The following GALNT9 variants were observed in gnomAD, a reference collection of about 807,000 sequenced individuals.
GALNT9 encodes GalNAc transferase 9.
GALNT9 carries 47 observed loss-of-function variants against 63.1 expected under a neutral mutation model. That is an observed-to-expected ratio of 0.75 (90% CI 0.59 to 0.95). The LOEUF (loss-of-function observed/expected upper bound fraction) is 0.95, where lower values mean the gene tolerates loss of function less well. Ranked by LOEUF, GALNT9 falls within the 40% of genes least tolerant of loss-of-function variation. The pLI is 0.00. For synonymous variants in GALNT9, 396 were observed against 365.7 expected, an observed-to-expected ratio of 1.08 and a Z score of -0.94; for missense variants, 829 against 874.8, an observed-to-expected ratio of 0.95 and a Z score of 0.66.
At chr12:132,198,008 C>T in intron 9 of GALNT9, 49 bp from the exon 10 acceptor site, 3 of 1,494,930 alleles carry the variant, frequency 2.0e-6, no homozygotes, top group Middle Eastern at 3.5e-4. Context: ...CCAGGCTCTC[C>T]CCAGTGAGCA....
chr12:132,288,317 C>T (rs1880681425), intron 1 of GALNT9, among the ~76,000 whole-genome samples: 1 of 152,230 alleles, frequency 6.6e-6, no homozygotes, highest in African/African-American at 2.4e-5. Flanking sequence ...AACAAAGTGT[C>T]CGTATTTATG....
intron 6 of GALNT9, among the ~76,000 whole-genome samples, chr12:132,218,343 C>G (rs1054337764): frequency 7.9e-5 from 12 of 152,184 alleles, no homozygotes; most frequent in African/African-American, 2.4e-4. Context: ...GGCATCCTGA[C>G]CCCCAGGTTG....
At chr12:132,261,387 C>T (rs61443140) in intron 3 of GALNT9, among the ~76,000 whole-genome samples, 9,339 of 152,200 alleles carry the variant, frequency 0.061, 969 homozygotes, top group African/African-American at 0.21. Context: ...GACAGCAGCC[C>T]ATGCTGTGGA....
chr12:132,196,990 C>G lies in GALNT9; in HGVS notation c.*117G>C. The G allele has an allele frequency of 9.8e-6, 15 of 1,531,110 alleles. No individual in the cohort carries two copies. The highest frequency in any genetic ancestry group is 1.2e-5 in the Non-Finnish European group (14 of 1,140,334). 94.8% of individuals were successfully genotyped at this position (1,531,110 alleles called of 1,614,324 possible). A position where few individuals can be genotyped will look rare whatever the true frequency, so the allele number is the denominator to read the frequency against. ...CCCCGGCCCCTCAGCCTCTGCTGTC[C>G]TGGCCGCACATAGAGCCCTGTCCTG... On this transcript the variant is annotated 3_prime_UTR_variant, in exon 11 of 11. Transcript: ENST00000328957.
intron 6 of GALNT9, among the ~76,000 whole-genome samples, chr12:132,226,870 C>T (rs1244987630): frequency 1.3e-5 from 2 of 150,254 alleles, no homozygotes; most frequent in African/African-American, 4.9e-5. Context: ...TGTACATACA[C>T]ACCCCACACA....
At chr12:132,243,600 A>G (rs2136905754) in intron 6 of GALNT9, among the ~76,000 whole-genome samples, 2 of 151,622 alleles carry the variant, frequency 1.3e-5, no homozygotes, top group Non-Finnish European at 2.9e-5. Context: ...TTCTATTTCT[A>G]TTTCTCCCGC....
Position 132,203,685 on chromosome 12 carries a change from C to T in GALNT9, c.1083G>A (p.Trp361Ter). 1 of 1,612,154 alleles carries T rather than the reference C, an allele frequency of 6.2e-7. No homozygotes were observed. The highest frequency in any genetic ancestry group is 8.5e-7 in the Non-Finnish European group (1 of 1,179,592). Residue 361 changes from tryptophan to a stop codon, truncating the protein, a stop_gained, in exon 7 of 11, where the codon TGG becomes TGA. Transcript: ENST00000328957. LOFTEE classifies it high-confidence loss of function. ...GENVELGMRV[W>*]QCGGSMEVLP... ...GCACCTCCATGCTGCCGCCACACTGCCACACCTGCGGGGAGACGGCGCTGG... is the reference window on the plus strand; with the variant it reads ...GCACCTCCATGCTGCCGCCACACTGTCACACCTGCGGGGAGACGGCGCTGG...
chr12:132,240,484 C>T (rs186616102), intron 6 of GALNT9: 8 of 394,882 alleles, frequency 2.0e-5, no homozygotes, highest in South Asian at 1.5e-4. Context: ...CCGTGCCCAG[C>T]TCGGACCCCG....
In GALNT9 at chr12:132,282,420, T is replaced by TGC; in HGVS notation, c.419+3828_419+3829dup. On this transcript the variant is annotated intron_variant, in intron 2 of 10. Coordinates refer to ENST00000328957, the MANE Select transcript of GALNT9 (RefSeq NM_001122636.2). The surrounding 1 kb of genome is among the most constrained non-coding windows in gnomAD (Gnocchi z 4.5). ...GTGTGTGCGCGTGTGTGCGTGTGTG[T>TGC]GCGTGTGTGCGTGCATGCGTGTGTG... Among the ~76,000 whole-genome samples the TGC allele has an allele frequency of 2.0e-5, 3 of 151,252 alleles. No homozygotes were observed. The highest frequency in any genetic ancestry group is 7.3e-5 in the African/African-American group (3 of 41,288).
At chr12:132,326,442 A>T (rs782505373) in intron 1 of GALNT9, among the ~76,000 whole-genome samples, 9 of 152,228 alleles carry the variant, frequency 5.9e-5, no homozygotes, top group Non-Finnish European at 1.2e-4. Context: ...ATCTGCACAC[A>T]TTCCTTAGGA....
intron 6 of GALNT9, among the ~76,000 whole-genome samples, chr12:132,204,052 A>G (rs1876447096): frequency 7.8e-6 from 1 of 128,078 alleles, no homozygotes; most frequent in African/African-American, 3.1e-5. Context: ...CCACTGCACC[A>G]GCCACCTCCC....
intron 1 of GALNT9, among the ~76,000 whole-genome samples, chr12:132,307,179 C>T (rs1399742298): frequency 1.3e-5 from 2 of 152,078 alleles, no homozygotes; most frequent in Non-Finnish European, 1.5e-5. Context: ...CTCAGACCCA[C>T]GGATTACTGC....
At chr12:132,214,045 C>T (rs1877082979) in intron 6 of GALNT9, among the ~76,000 whole-genome samples, 1 of 152,170 alleles carries the variant, frequency 6.6e-6, no homozygotes, top group South Asian at 2.1e-4. Context: ...GGATGGGGGT[C>T]TGGGCCCCTC....
At chr12:132,272,240 C>T (rs1362104869) in intron 2 of GALNT9, among the ~76,000 whole-genome samples, 8 of 152,348 alleles carry the variant, frequency 5.3e-5, no homozygotes, top group African/African-American at 9.6e-5. Flanking sequence ...GGTCTCACAA[C>T]GACCCAGGGA....
chr12:132,221,658 CA>C (rs761220333), intron 6 of GALNT9, among the ~76,000 whole-genome samples: 7,240 of 79,250 alleles, frequency 0.091, 220 homozygotes, highest in East Asian at 0.26. Flanking sequence ...GAGACGTTCT[CA>C]AAAAAAAAAA....
At chr12:132,240,644 T>C in intron 6 of GALNT9, 1 of 448,996 alleles carries the variant, frequency 2.2e-6, no homozygotes, top group Non-Finnish European at 4.5e-6. Context: ...GCCTCGGACC[T>C]GCTCCTCTTC....
At position 132,315,350 on chromosome 12, in the gene GALNT9, T is replaced by G. The variant is rs1555245628; in HGVS notation, c.238+13616A>C. On this transcript the variant is annotated intron_variant, in intron 1 of 10. Coordinates refer to ENST00000328957, the MANE Select transcript of GALNT9 (RefSeq NM_001122636.2). The surrounding 1 kb of genome is among the most constrained non-coding windows in gnomAD (Gnocchi z 6.1). ...ACTGCAAAGTGCTGGAGCCTCAGAA[T>G]ATAATCAGGGCGGCCTCCCCCGTGT... Among the ~76,000 whole-genome samples the G allele has an allele frequency of 2.0e-5, 3 of 148,982 alleles. No homozygotes were observed. Among genetic ancestry groups the G allele is most frequent in the Non-Finnish European group, 4.5e-5 (3 of 67,226 alleles).
At chr12:132,288,029 C>A (rs1282568170) in intron 1 of GALNT9, among the ~76,000 whole-genome samples, 1 of 152,186 alleles carries the variant, frequency 6.6e-6, no homozygotes, top group Admixed American at 6.5e-5. Context: ...CGGAGGAAGG[C>A]CAGTGGAAAC....
intron 5 of GALNT9, among the ~76,000 whole-genome samples, chr12:132,257,330 G>A (rs1486510964): frequency 6.6e-6 from 1 of 152,136 alleles, no homozygotes; most frequent in Non-Finnish European, 1.5e-5. Flanking sequence ...TGTGTGCCAA[G>A]TTTTTATGGC....
Sources: allele counts gnomAD v4.1 joint callset (sites outside exome capture counted in the v4.1 genomes callset), GRCh38; gene constraint gnomAD v4.1.1; non-coding constraint Gnocchi (gnomAD v3.1); transcripts MANE v1.5; gene names NCBI Gene and HGNC (gene_info 2026-07-23, HGNC 2026-07-21).